PCDH15: variants seen among roughly 807,000 people sequenced by gnomAD.
PCDH15 encodes the protein protocadherin related 15.
Under a neutral mutation model 178.5 loss-of-function variants are expected in PCDH15, and 129 were observed. The ratio of observed to expected loss-of-function variants is 0.72; its 90% CI spans 0.63 to 0.84. The LOEUF is 0.84. Among genes scored for constraint, PCDH15 ranks in the 40% least tolerant of loss-of-function variants. The pLI is 0.00. For missense variants in PCDH15, 2,230 were observed against 2,099.9 expected, an observed-to-expected ratio of 1.06 and a Z score of -1.21; for synonymous variants, 800 against 732.0, an observed-to-expected ratio of 1.09 and a Z score of -1.50.
At chr10:54,518,383 C>A (rs1030208743) in intron 3 of PCDH15, among the ~76,000 whole-genome samples, 5 of 151,840 alleles carry the variant, frequency 3.3e-5, no homozygotes, top group African/African-American at 1.2e-4. Flanking sequence ...GGGGATATCA[C>A]CACCGATCCC....
At chr10:55,014,200 A>T (rs1428649920) in intron 2 of PCDH15, among the ~76,000 whole-genome samples, 1 of 150,740 alleles carries the variant, frequency 6.6e-6, no homozygotes, top group African/African-American at 2.4e-5. Flanking sequence ...ACACCTTGAA[A>T]TTTTTTTTTT....
intron 2 of PCDH15, among the ~76,000 whole-genome samples, chr10:54,567,830 G>A (rs1036055113): frequency 1.3e-5 from 2 of 152,094 alleles, no homozygotes; most frequent in Non-Finnish European, 2.9e-5. Flanking sequence ...AGCAGAAGGT[G>A]AAGAAGTCAC....
intron 2 of PCDH15, among the ~76,000 whole-genome samples, chr10:55,131,829 G>T (rs972803712): frequency 1.3e-5 from 2 of 152,138 alleles, no homozygotes; most frequent in South Asian, 4.1e-4. Flanking sequence ...GGCAGCCATG[G>T]TTGGGCCCAG....
chr10:54,620,106 T>TA (rs1398830974), intron 2 of PCDH15, among the ~76,000 whole-genome samples: 4 of 152,042 alleles, frequency 2.6e-5, no homozygotes, highest in African/African-American at 9.7e-5. Context: ...CAACCAGAGT[T>TA]AAATCGTTGC....
chr10:53,893,586 A>G (rs1203038650), intron 26 of PCDH15, among the ~76,000 whole-genome samples: 1 of 152,226 alleles, frequency 6.6e-6, no homozygotes, highest in African/African-American at 2.4e-5. Context: ...AAAATGTGGT[A>G]TATATACACC....
chr10:55,280,705 TAG>T (rs1285749761), intron 1 of PCDH15, among the ~76,000 whole-genome samples: 1 of 152,146 alleles, frequency 6.6e-6, no homozygotes, highest in Admixed American at 6.5e-5. Context: ...TCTATGTAGA[TAG>T]AGTCTAGTAA....
chr10:55,381,614 A>C (rs2132001829), intron 2 of PCDH15, among the ~76,000 whole-genome samples: 1 of 152,258 alleles, frequency 6.6e-6, no homozygotes, highest in Admixed American at 6.5e-5. Context: ...AAGGGGTGGA[A>C]GGTACAAGCC....
chr10:55,023,462 G>A (rs1009284087), intron 2 of PCDH15, among the ~76,000 whole-genome samples: 12 of 152,058 alleles, frequency 7.9e-5, no homozygotes, highest in African/African-American at 2.9e-4. Flanking sequence ...GTAAAGTCTA[G>A]ATAAATTTTG....
intron 25 of PCDH15, among the ~76,000 whole-genome samples, chr10:53,928,443 T>G (rs185794852): frequency 6.6e-6 from 1 of 152,192 alleles, no homozygotes; most frequent in East Asian, 1.9e-4. Context: ...TGACCTTGAT[T>G]ATATTACAAC....
chr10:54,624,121 A>G (rs894594768), intron 2 of PCDH15, among the ~76,000 whole-genome samples: 4 of 152,182 alleles, frequency 2.6e-5, no homozygotes, highest in African/African-American at 9.7e-5. Flanking sequence ...GAAATATGTT[A>G]ATTAGTTTTA....
Position 55,456,198 on chromosome 10 carries a change from C to CA in PCDH15, c.-156+171426dup, listed in dbSNP as rs936558404. On this transcript the variant is annotated intron_variant, in intron 2 of 5. Coordinates refer to the PCDH15 transcript ENST00000613346. The stretch of plus-strand genomic sequence containing the variant: ...TATGGATGTGATGCTTTTTGGCAAA[C>CA]AAAAAAAAATCATGACGTGTGTGCT... Among the ~76,000 whole-genome samples the CA allele has an allele frequency of 1.5e-4, 22 of 150,712 alleles. No individual in the cohort carries two copies. The South Asian group carries it at 1.9e-3, about 13-fold the overall frequency.
intron 27 of PCDH15, among the ~76,000 whole-genome samples, chr10:53,862,174 C>T (rs1020018155): frequency 3.9e-5 from 6 of 151,954 alleles, no homozygotes; most frequent in Non-Finnish European, 8.8e-5. Flanking sequence ...GCCTCATTCT[C>T]CCGAGTATCT....
At chr10:54,104,259 A>T (rs574096178) in intron 15 of PCDH15, among the ~76,000 whole-genome samples, 1 of 152,292 alleles carries the variant, frequency 6.6e-6, no homozygotes, top group East Asian at 1.9e-4. Flanking sequence ...AAGTTTCATC[A>T]GAGTTTACAA....
chr10:55,526,696 A>G (rs1027142197), intron 2 of PCDH15, among the ~76,000 whole-genome samples: 3 of 152,096 alleles, frequency 2.0e-5, no homozygotes, highest in Non-Finnish European at 4.4e-5. Flanking sequence ...AATCAGGTTT[A>G]TAATTTATGC....
At chr10:55,564,315 C>T (rs1199838586) in intron 2 of PCDH15, among the ~76,000 whole-genome samples, 1 of 151,386 alleles carries the variant, frequency 6.6e-6, no homozygotes, top group Admixed American at 6.6e-5. Flanking sequence ...AATATACATT[C>T]AAATTAGAGT....
intron 2 of PCDH15, among the ~76,000 whole-genome samples, chr10:54,661,347 G>A (rs1039190029): frequency 6.6e-6 from 1 of 151,924 alleles, no homozygotes; most frequent in African/African-American, 2.4e-5. Flanking sequence ...GGAGACCAAT[G>A]AGGTAAAAGA....
At chr10:54,690,992 C>A (rs1292506397) in intron 1 of PCDH15, among the ~76,000 whole-genome samples, 3 of 151,842 alleles carry the variant, frequency 2.0e-5, no homozygotes, top group Non-Finnish European at 4.4e-5. Flanking sequence ...CTAAAAACTT[C>A]TTATATGGTA....
At chr10:55,436,496 T>C (rs1052277283) in intron 2 of PCDH15, among the ~76,000 whole-genome samples, 1 of 152,130 alleles carries the variant, frequency 6.6e-6, no homozygotes, top group Non-Finnish European at 1.5e-5. Flanking sequence ...TTTTTGGCTT[T>C]TGTTTTGTTT....
In PCDH15 at chr10:55,427,154, A is replaced by G. The variant is rs532574454; in HGVS notation, c.-156+200471T>C. ...CTCCCTGCCTCCTGTCCCTATCACT[A>G]CAATCAAGCTCAGCTTATTTAAAGT... On this transcript the variant is annotated intron_variant, in intron 2 of 5. Coordinates refer to the PCDH15 transcript ENST00000613346. Among the ~76,000 whole-genome samples the G allele has an allele frequency of 2.0e-5, 3 of 152,226 alleles. No homozygotes were observed. The South Asian group carries it at 6.2e-4, about 32-fold the overall frequency.
Sources: allele counts gnomAD v4.1 joint callset (sites outside exome capture counted in the v4.1 genomes callset), GRCh38; gene constraint gnomAD v4.1.1; transcripts MANE v1.5; gene names NCBI Gene and HGNC (gene_info 2026-07-23, HGNC 2026-07-21).